Variants in NUDT14 observed in about 807,000 individuals in gnomAD.
NUDT14 encodes nudix hydrolase 14, also known as uridine diphosphate glucose pyrophosphatase NUDT14.
NUDT14 carries 22 observed loss-of-function variants against 17.5 expected under a neutral mutation model. That is an observed-to-expected ratio of 1.26 (90% CI 0.90 to 1.80). The LOEUF (loss-of-function observed/expected upper bound fraction) is 1.80, where lower values mean the gene tolerates loss of function less well. NUDT14 is among the 40% of genes most tolerant of loss of function. The probability of loss-of-function intolerance (pLI) is 0.00; values close to 1 mark genes in which losing one functional copy is unlikely to be tolerated. For missense variants in NUDT14, 296 were observed against 295.6 expected, an observed-to-expected ratio of 1.00 and a Z score of -0.01; for synonymous variants, 129 against 125.8, an observed-to-expected ratio of 1.03 and a Z score of -0.17.
chr14:105,176,012 C>T, intron 4 of NUDT14: 2 of 1,263,292 alleles, frequency 1.6e-6, no homozygotes, highest in Non-Finnish European at 1.0e-6. Context: ...GGGCTTCATA[C>T]CAACATCTAG....
chr14:105,181,251 C>G lies in NUDT14; in HGVS notation c.-42G>C. ...GCGGGGGCCGCGAGCTCTGCGGGGGCCGACACGGGGCGGCGCCCTGTCCCG... is the reference window on the plus strand; with the variant it reads ...GCGGGGGCCGCGAGCTCTGCGGGGGGCGACACGGGGCGGCGCCCTGTCCCG... On this transcript the variant is annotated 5_prime_UTR_variant, in exon 1 of 5. Coordinates refer to ENST00000392568, the MANE Select transcript of NUDT14 (RefSeq NM_177533.5). This position sits in a 1 kb window ranked among gnomAD's most constrained non-coding sequence, Gnocchi z 5.0. 1 of 782,736 alleles carries G rather than the reference C, an allele frequency of 1.3e-6. No homozygotes were observed. 48.5% of individuals were successfully genotyped at this position (782,736 alleles called of 1,614,324 possible).
intron 4 of NUDT14, 58 bp downstream of exon 4, chr14:105,176,476 C>CAGG: frequency 7.3e-7 from 1 of 1,376,732 alleles, no homozygotes; most frequent in Non-Finnish European, 1.0e-6. Context: ...GGACGGGGCC[C>CAGG]TCACTCTCTC....
In NUDT14 at chr14:105,176,691, G is replaced by T. The variant is rs1471605127; in HGVS notation, c.271C>A (p.Pro91Thr). 4.3e-6 allele frequency: 7 copies of T among 1,612,646 alleles called. No homozygotes were observed. Among genetic ancestry groups the T allele is most frequent in the Non-Finnish European group, 5.9e-6 (7 of 1,179,990 alleles). Reference sequence around the variant, plus strand: ...ACCCCCGCTGAGCCGGGCAGGGCTGGCTGTAGCTCCCGAGGCCCGTCCTGG... The same window carrying T: ...ACCCCCGCTGAGCCGGGCAGGGCTGTCTGTAGCTCCCGAGGCCCGTCCTGG... ...VDQDGPRELQ[P>T]ALPGSAGVTV... Residue 91 changes from proline (P) to threonine (T), a missense_variant, in exon 4 of 5, where the codon CCA becomes ACA. Transcript: ENST00000392568.
intron 4 of NUDT14, among the ~76,000 whole-genome samples, chr14:105,174,869 T>C (rs951096264): frequency 6.6e-6 from 1 of 152,128 alleles, no homozygotes. Flanking sequence ...GAGGCCTGGC[T>C]CACCTCCAGA....
chr14:105,175,837 C>T, intron 4 of NUDT14: 1 of 1,064,796 alleles, frequency 9.4e-7, no homozygotes, highest in Non-Finnish European at 1.1e-6. Context: ...CTGACAGGTG[C>T]AGAGACTTCC....
Position 105,176,671 on chromosome 14 carries a change from C to G in NUDT14, c.291G>C (p.Ala97=). The G allele has an allele frequency of 2.5e-6, 4 of 1,612,784 alleles. No individual in the cohort carries two copies. The highest frequency in any genetic ancestry group is 3.4e-6 in the Non-Finnish European group (4 of 1,179,988). ...CGGCACACAGCTCAACTGTCACCCC[C>G]GCTGAGCCGGGCAGGGCTGGCTGTA... ...RELQPALPGS[A]GVTVELCAGL... The change falls in exon 4 of 5, where the codon GCG becomes GCC. Residue 97 remains alanine (A), a synonymous_variant. Transcript: ENST00000392568.
rs748760509 is a variant in NUDT14 at position 105,173,306 on chromosome 14, G to A, written c.429-45C>T. On this transcript the variant is annotated intron_variant, in intron 4 of 4. Transcript: ENST00000392568. This position sits in a 1 kb window ranked among gnomAD's most constrained non-coding sequence, Gnocchi z 4.7. Reference sequence around the variant, plus strand: ...CTGCTGAGTCACCCACGCTGGCCCCGCTGGCCCCCTGGCCCTTCTACCACC... The same window carrying A: ...CTGCTGAGTCACCCACGCTGGCCCCACTGGCCCCCTGGCCCTTCTACCACC... 6.2e-6 allele frequency: 9 copies of A among 1,457,266 alleles called. No individual in the cohort carries two copies. Among genetic ancestry groups the A allele is most frequent in the Middle Eastern group, 1.8e-4 (1 of 5,468 alleles). 90.3% of individuals were successfully genotyped at this position (1,457,266 alleles called of 1,614,324 possible).
At chr14:105,174,340 G>A (rs1045370774) in intron 4 of NUDT14, among the ~76,000 whole-genome samples, 2 of 151,496 alleles carry the variant, frequency 1.3e-5, no homozygotes, top group African/African-American at 2.4e-5. Context: ...GGGGAGAAAC[G>A]GGACTGAGGG....
intron 1 of NUDT14, among the ~76,000 whole-genome samples, chr14:105,178,849 T>C (rs1262924137): frequency 6.6e-6 from 1 of 152,154 alleles, no homozygotes; most frequent in Non-Finnish European, 1.5e-5. Context: ...CCCTCTGAGC[T>C]TGGCCGGGAG....
At chr14:105,180,345 G>T (rs914280767) in intron 1 of NUDT14, among the ~76,000 whole-genome samples, 1 of 152,168 alleles carries the variant, frequency 6.6e-6, no homozygotes, top group Non-Finnish European at 1.5e-5. Flanking sequence ...TGCACCTGTG[G>T]TCCCAGCTAC....
chr14:105,176,647 G>C lies in NUDT14; in HGVS notation c.315C>G (p.Ala105=). The change falls in exon 4 of 5, where the codon GCC becomes GCG. Residue 105 remains alanine, a synonymous_variant. Coordinates refer to ENST00000392568, the MANE Select transcript of NUDT14 (RefSeq NM_177533.5). ...AGAGCCCAGGCTGGTCCACGAGGCC[G>C]GCACACAGCTCAACTGTCACCCCCG... The part of the protein sequence containing the change: ...GSAGVTVELC[A]GLVDQPGLSL... 1 of 1,612,738 alleles carries C rather than the reference G, an allele frequency of 6.2e-7. No individual in the cohort carries two copies. The highest frequency in any genetic ancestry group is 1.1e-5 in the South Asian group (1 of 91,082).
intron 4 of NUDT14, among the ~76,000 whole-genome samples, chr14:105,175,170 G>C (rs749792807): frequency 7.2e-5 from 11 of 152,220 alleles, no homozygotes; most frequent in Non-Finnish European, 1.5e-4. Context: ...CTGAGAGCCT[G>C]TGCGGTCCCT....
chr14:105,177,059 G>A (rs1228848174), intron 2 of NUDT14, 32 bp from the exon 3 acceptor site: 2 of 1,603,582 alleles, frequency 1.2e-6, no homozygotes, highest in South Asian at 2.2e-5. Context: ...CAGCACAGAA[G>A]CACTCCACTG....
At chr14:105,176,208 G>A (rs587623978) in intron 4 of NUDT14, among the ~76,000 whole-genome samples, 1 of 152,248 alleles carries the variant, frequency 6.6e-6, no homozygotes, top group South Asian at 2.1e-4. Flanking sequence ...TGAGAACAGA[G>A]CTGTGAGTCA....
chr14:105,179,651 G>T (rs998442799), intron 1 of NUDT14, among the ~76,000 whole-genome samples: 1 of 152,236 alleles, frequency 6.6e-6, no homozygotes. Flanking sequence ...CCACAAGCAG[G>T]CATCCCATAT....
intron 2 of NUDT14, 113 bp from the exon 3 acceptor site, chr14:105,177,140 AG>A: frequency 2.1e-6 from 2 of 957,176 alleles, no homozygotes; most frequent in Non-Finnish European, 1.6e-6. Flanking sequence ...CCAGCAGCCC[AG>A]GGAGGTCAGG....
At position 105,173,359 on chromosome 14, in the gene NUDT14, C is replaced by A. The variant is rs1156371035; in HGVS notation, c.429-98G>T. 2 of 1,294,558 alleles carry A rather than the reference C, an allele frequency of 1.5e-6. No individual in the cohort carries two copies. Among genetic ancestry groups the A allele is most frequent in the South Asian group, 4.1e-5 (2 of 49,236 alleles). 80.2% of individuals were successfully genotyped at this position (1,294,558 alleles called of 1,614,324 possible). ...CCAACCCACCCTCTCCACTCTGCTCCCTCCAGCCCTCCAGTAGGCAGGACT... is the reference window on the plus strand; with the variant it reads ...CCAACCCACCCTCTCCACTCTGCTCACTCCAGCCCTCCAGTAGGCAGGACT... On this transcript the variant is annotated intron_variant, in intron 4 of 4. Coordinates refer to ENST00000392568, the MANE Select transcript of NUDT14 (RefSeq NM_177533.5). The surrounding 1 kb of genome is among the most constrained non-coding windows in gnomAD (Gnocchi z 4.7).
At chr14:105,178,617 T>G (rs1484484356) in intron 1 of NUDT14, among the ~76,000 whole-genome samples, 1 of 152,038 alleles carries the variant, frequency 6.6e-6, no homozygotes, top group African/African-American at 2.4e-5. Context: ...CGGGGTCCCA[T>G]CTCCGGCACG....
In NUDT14 at chr14:105,181,279, A is replaced by G; in HGVS notation, c.-70T>C. The G allele has an allele frequency of 1.6e-6, 1 of 614,022 alleles. No homozygotes were observed. The highest frequency in any genetic ancestry group is 2.1e-6 in the Non-Finnish European group (1 of 476,994). 38.0% of individuals were successfully genotyped at this position (614,022 alleles called of 1,614,324 possible). On this transcript the variant is annotated 5_prime_UTR_variant, in exon 1 of 5. Transcript: ENST00000392568. The surrounding 1 kb of genome is among the most constrained non-coding windows in gnomAD (Gnocchi z 5.0). ...ACACGGGGCGGCGCCCTGTCCCGACAGGAGCCTTCGGGCGGGCGCGTGACC... is the reference window on the plus strand; with the variant it reads ...ACACGGGGCGGCGCCCTGTCCCGACGGGAGCCTTCGGGCGGGCGCGTGACC...
Sources: gnomAD v4.1 joint callset for allele counts (sites outside exome capture counted in the v4.1 genomes callset) on GRCh38, gnomAD v4.1.1 for gene constraint, Gnocchi (gnomAD v3.1) non-coding constraint, MANE v1.5 for transcripts, NCBI Gene and HGNC (gene_info 2026-07-23, HGNC 2026-07-21) for gene names.